The following SYTL5 variants were observed in gnomAD, a reference collection of about 807,000 sequenced individuals.
The protein encoded by SYTL5 is synaptotagmin like 5.
In SYTL5, 34 loss-of-function variants were observed where a neutral mutation model predicts 55.9. The ratio of observed to expected loss-of-function variants is 0.61; its 90% confidence interval spans 0.46 to 0.81. The LOEUF is 0.81. SYTL5 is among the 30% of genes least tolerant of loss of function. The probability of loss-of-function intolerance (pLI) is 0.00; values close to 1 mark genes in which losing one functional copy is unlikely to be tolerated. For synonymous variants in SYTL5, 221 were observed against 188.7 expected, an observed-to-expected ratio of 1.17 and a Z score of -1.40; for missense variants, 637 against 546.7, an observed-to-expected ratio of 1.17 and a Z score of -1.65.
intron 13 of SYTL5, among the ~76,000 whole-genome samples, chrX:38,115,204 G>A (rs943305543): frequency 3.8e-5 from 4 of 104,997 alleles, no homozygotes; most frequent in South Asian, 3.8e-4. Context: ...CTTATTTCAG[G>A]CCGGGCGCGG....
intron 3 of SYTL5, among the ~76,000 whole-genome samples, chrX:38,067,029 C>A (rs898424796): frequency 1.8e-5 from 2 of 111,768 alleles, no homozygotes; most frequent in African/African-American, 6.5e-5. Flanking sequence ...TTCTACCAAG[C>A]CTTCTGTCTG....
At chrX:37,981,911 C>T in the SYTL5 span, among the ~76,000 whole-genome samples, 1 of 111,741 alleles carries the variant, frequency 8.9e-6, no homozygotes, top group East Asian at 2.8e-4. Flanking sequence ...TAACCAGTCA[C>T]TAAACAAACA....
At chrX:37,992,702 G>A in the SYTL5 span, among the ~76,000 whole-genome samples, 2 of 112,500 alleles carry the variant, frequency 1.8e-5, no homozygotes, top group African/African-American at 6.5e-5. Flanking sequence ...GTTCTCAGGT[G>A]ACCACTGGGG....
chrX:37,912,296 A>G, the SYTL5 span, among the ~76,000 whole-genome samples: 4 of 112,005 alleles, frequency 3.6e-5, no homozygotes, highest in African/African-American at 9.8e-5. Flanking sequence ...CAGAAGCCCA[A>G]TTGTGGAGAT....
chrX:37,946,063 T>A, the SYTL5 span: 1 of 119,615 alleles, frequency 8.4e-6, no homozygotes, highest in Non-Finnish European at 1.9e-5. Context: ...TCATGAAAAC[T>A]TTTATTTCTT....
intron 2 of SYTL5, among the ~76,000 whole-genome samples, chrX:38,038,442 A>G (rs992163598): frequency 1.4e-4 from 16 of 111,949 alleles, no homozygotes; most frequent in Non-Finnish European, 3.0e-4. Flanking sequence ...CTCCAAAACC[A>G]TCAATACAAG....
the SYTL5 span, among the ~76,000 whole-genome samples, chrX:37,908,430 G>A: frequency 8.9e-6 from 1 of 111,922 alleles, no homozygotes. Context: ...GCCCTTAGTG[G>A]CAAAGGAGAC....
the SYTL5 span, among the ~76,000 whole-genome samples, chrX:37,959,503 G>A: frequency 9.0e-6 from 1 of 111,639 alleles, no homozygotes; most frequent in African/African-American, 3.3e-5. Context: ...CCATTAGGGG[G>A]CAATAGCCTT....
the SYTL5 span, among the ~76,000 whole-genome samples, chrX:37,982,534 G>A: frequency 1.8e-5 from 2 of 112,694 alleles, no homozygotes; most frequent in Admixed American, 9.4e-5. Context: ...AATTATGAAA[G>A]AGAGTGTACA....
At chrX:38,041,856 A>G (rs916930399) in intron 2 of SYTL5, among the ~76,000 whole-genome samples, 7 of 111,936 alleles carry the variant, frequency 6.3e-5, no homozygotes, top group Non-Finnish European at 1.1e-4. Context: ...CACATAGTAG[A>G]TGTACATATT....
the SYTL5 span, among the ~76,000 whole-genome samples, chrX:37,934,692 T>C: frequency 9.4e-6 from 1 of 106,647 alleles, no homozygotes; most frequent in Non-Finnish European, 1.9e-5. Flanking sequence ...TGGAGTGCAG[T>C]GGCACGATCT....
chrX:38,081,910 G>A (rs1249479175), intron 6 of SYTL5, among the ~76,000 whole-genome samples: 4 of 111,333 alleles, frequency 3.6e-5, no homozygotes, highest in Admixed American at 9.5e-5. Context: ...GGAGTTCTGG[G>A]TATTCCCAGT....
the SYTL5 span, among the ~76,000 whole-genome samples, chrX:37,954,275 T>G: frequency 1.8e-5 from 2 of 111,410 alleles, no homozygotes; most frequent in East Asian, 5.7e-4. Flanking sequence ...TGACTGAAGG[T>G]AAGGAAAAGA....
the SYTL5 span, among the ~76,000 whole-genome samples, chrX:37,916,649 A>C: frequency 8.9e-6 from 1 of 112,089 alleles, no homozygotes; most frequent in South Asian, 3.7e-4. Flanking sequence ...TGAATGACTG[A>C]TTGATTTTAA....
At chrX:38,059,550 T>C (rs761613113) in intron 3 of SYTL5, among the ~76,000 whole-genome samples, 8 of 112,039 alleles carry the variant, frequency 7.1e-5, no homozygotes, top group Admixed American at 2.8e-4. Context: ...CATAAACTCA[T>C]AGGGAATACT....
intron 1 of SYTL5, among the ~76,000 whole-genome samples, chrX:38,020,804 C>T (rs1439545096): frequency 2.7e-5 from 3 of 110,631 alleles, no homozygotes; most frequent in Non-Finnish European, 5.7e-5. Flanking sequence ...AGGCATTGTG[C>T]TAGACACTTT....
At chrX:38,001,406 T>A in the SYTL5 span, among the ~76,000 whole-genome samples, 8 of 111,712 alleles carry the variant, frequency 7.2e-5, no homozygotes, top group Non-Finnish European at 1.5e-4. Context: ...ATTCTTTCTA[T>A]TTTTTGCACC....
intron 13 of SYTL5, among the ~76,000 whole-genome samples, chrX:38,115,082 C>T (rs891252292): frequency 1.5e-4 from 17 of 111,336 alleles, no homozygotes; most frequent in Non-Finnish European, 2.5e-4. Context: ...GTATATATAC[C>T]ATATTTTCTT....
the SYTL5 span, among the ~76,000 whole-genome samples, chrX:37,998,173 C>T: frequency 4.4e-5 from 5 of 112,582 alleles, no homozygotes; most frequent in Non-Finnish European, 9.4e-5. Flanking sequence ...TTCTCACCCT[C>T]CACTTGTTGG....
Sources: gnomAD v4.1 joint callset for allele counts (sites outside exome capture counted in the v4.1 genomes callset) on GRCh38, gnomAD v4.1.1 for gene constraint, MANE v1.5 for transcripts, NCBI Gene and HGNC (gene_info 2026-07-23, HGNC 2026-07-21) for gene names.